The following ADAMTS19 variants were observed in gnomAD, a reference collection of about 807,000 sequenced individuals.
ADAMTS19 encodes A disintegrin and metalloproteinase with thrombospondin motifs 19.
ADAMTS19 carries 93 observed loss-of-function variants against 153.3 expected under a neutral mutation model. That is an observed-to-expected ratio of 0.61 (90% confidence interval 0.51 to 0.72). The LOEUF (loss-of-function observed/expected upper bound fraction) is 0.72. Among genes scored for constraint, ADAMTS19 ranks in the 30% least tolerant of loss-of-function variants. The pLI, the probability that ADAMTS19 is intolerant of heterozygous loss-of-function variation, is 0.00. For synonymous variants in ADAMTS19, 600 were observed against 556.6 expected, an observed-to-expected ratio of 1.08 and a Z score of -1.10; for missense variants, 1,482 against 1,552.1, an observed-to-expected ratio of 0.95 and a Z score of 0.76.
chr5:129,527,134 G>T (rs2126764233), intron 4 of ADAMTS19, among the ~76,000 whole-genome samples: 1 of 151,940 alleles, frequency 6.6e-6, no homozygotes, highest in Non-Finnish European at 1.5e-5. Context: ...TGTTAGGGAT[G>T]CTTATTACCA....
intron 8 of ADAMTS19, among the ~76,000 whole-genome samples, chr5:129,610,741 A>T (rs1205941288): frequency 6.6e-6 from 1 of 152,168 alleles, no homozygotes; most frequent in Non-Finnish European, 1.5e-5. Context: ...ATAGTGCCGC[A>T]ATAAACATAC....
At chr5:129,625,152 A>G (rs1490898507) in intron 10 of ADAMTS19, among the ~76,000 whole-genome samples, 3 of 152,186 alleles carry the variant, frequency 2.0e-5, no homozygotes, top group Non-Finnish European at 4.4e-5. Context: ...CCATGTAGCT[A>G]CAAAGGAAAT....
rs368977962 is a variant in ADAMTS19 at position 129,528,609 on chromosome 5, A to G, written c.1260A>G (p.Ile420Met). Reference sequence around the variant, plus strand: ...AAGAATTTGGCAAAAAGAATGATATACATTTAGAGATGTCAACAAACTGGG... The same window carrying G: ...AAGAATTTGGCAAAAAGAATGATATGCATTTAGAGATGTCAACAAACTGGG... ...QHEEFGKKND[I>M]HLEMSTNWGE... The change falls in exon 6 of 23, where the codon ATA becomes ATG. Residue 420 changes from isoleucine to methionine, a missense_variant. Ile to Met is a conservative substitution (Grantham distance 10, BLOSUM62 1). This residue lies in a region of ADAMTS19 where 866 missense variants were observed against 827.7 expected (regional missense o/e 1.05). Coordinates refer to ENST00000274487, the MANE Select transcript of ADAMTS19 (RefSeq NM_133638.6). 6.2e-6 allele frequency: 10 copies of G among 1,608,406 alleles called. No individual in the cohort carries two copies. The highest frequency in any genetic ancestry group is 2.2e-5 in the East Asian group (1 of 44,512).
chr5:129,493,113 C>T (rs998100269), intron 2 of ADAMTS19, among the ~76,000 whole-genome samples: 1 of 151,902 alleles, frequency 6.6e-6, no homozygotes, highest in African/African-American at 2.4e-5. Context: ...ATTTGTGAAC[C>T]CAGAGTGGTA....
intron 8 of ADAMTS19, among the ~76,000 whole-genome samples, chr5:129,603,356 T>C (rs191136898): frequency 1.3e-5 from 2 of 152,348 alleles, no homozygotes; most frequent in African/African-American, 4.8e-5. Flanking sequence ...CATAATCCTA[T>C]GATACCATTC....
intron 2 of ADAMTS19, among the ~76,000 whole-genome samples, chr5:129,506,007 G>T (rs1489039678): frequency 6.6e-6 from 1 of 152,150 alleles, no homozygotes; most frequent in Non-Finnish European, 1.5e-5. Flanking sequence ...TAAAGCAAAG[G>T]CTGCCTAATT....
intron 3 of ADAMTS19, among the ~76,000 whole-genome samples, chr5:129,518,602 G>A (rs1034877438): frequency 2.0e-5 from 3 of 151,914 alleles, no homozygotes. Flanking sequence ...TTCTCTTGCT[G>A]GTTTTAGGAT....
At chr5:129,597,788 G>C (rs972960298) in intron 8 of ADAMTS19, among the ~76,000 whole-genome samples, 1 of 151,756 alleles carries the variant, frequency 6.6e-6, no homozygotes, top group African/African-American at 2.4e-5. Flanking sequence ...TGTAGTCCCA[G>C]CTACTGGGGA....
Position 129,513,637 on chromosome 5 carries a change from AT to A in ADAMTS19, c.913+4403del, listed in dbSNP as rs200840806. Among the ~76,000 whole-genome samples the A allele has an allele frequency of 7.7e-3, 1,171 of 151,572 alleles. 11 individuals carry two copies. The highest frequency in any genetic ancestry group is 0.025 in the African/African-American group (1,045 of 41,336). On this transcript the variant is annotated intron_variant, in intron 3 of 22. Coordinates refer to ENST00000274487, the MANE Select transcript of ADAMTS19 (RefSeq NM_133638.6). Reference sequence around the variant, plus strand: ...GATAGTATTTGTATCCTCATTTCTTATTTTTTTTAAATTTTTTTGTGGGTAC... The same window carrying A: ...GATAGTATTTGTATCCTCATTTCTTATTTTTTTAAATTTTTTTGTGGGTAC...
chr5:129,541,651 G>A (rs1752658014), intron 6 of ADAMTS19, among the ~76,000 whole-genome samples: 2 of 151,928 alleles, frequency 1.3e-5, no homozygotes, highest in South Asian at 2.1e-4. Context: ...ACGTTACAGA[G>A]GTGATATGTT....
chr5:129,670,242 G>A (rs775635254), intron 16 of ADAMTS19, among the ~76,000 whole-genome samples: 2 of 151,986 alleles, frequency 1.3e-5, no homozygotes, highest in African/African-American at 2.4e-5. Flanking sequence ...CTTTTCTAAT[G>A]TCAATCTCCA....
chr5:129,565,550 C>G (rs1753676639), intron 7 of ADAMTS19, among the ~76,000 whole-genome samples: 1 of 151,990 alleles, frequency 6.6e-6, no homozygotes, highest in African/African-American at 2.4e-5. Flanking sequence ...ATTCTGTGCC[C>G]AAGTTTGTGT....
At chr5:129,569,517 T>C (rs1167084714) in intron 7 of ADAMTS19, among the ~76,000 whole-genome samples, 1 of 152,122 alleles carries the variant, frequency 6.6e-6, no homozygotes, top group Non-Finnish European at 1.5e-5. Context: ...AAAATATGCA[T>C]GCCTTTCAAA....
intron 9 of ADAMTS19, 143 bp from the exon 10 acceptor site, chr5:129,622,055 T>G: frequency 1.3e-6 from 1 of 784,334 alleles, no homozygotes; most frequent in Non-Finnish European, 2.0e-6. Flanking sequence ...TTTTGACATA[T>G]AGAATAATTT....
intron 8 of ADAMTS19, among the ~76,000 whole-genome samples, chr5:129,597,547 G>A (rs2052597): frequency 0.51 from 77,619 of 151,884 alleles, 22,920 homozygotes; most frequent in Non-Finnish European, 0.66. Context: ...TAATACCTTT[G>A]TTATGGGATT....
intron 21 of ADAMTS19, among the ~76,000 whole-genome samples, chr5:129,717,751 G>A (rs1409880593): frequency 6.6e-6 from 1 of 152,102 alleles, no homozygotes; most frequent in Non-Finnish European, 1.5e-5. Flanking sequence ...GCAAATACGT[G>A]TTTATTCTAA....
chr5:129,556,002 T>C (rs1753298263), intron 7 of ADAMTS19, among the ~76,000 whole-genome samples: 1 of 152,210 alleles, frequency 6.6e-6, no homozygotes, highest in Non-Finnish European at 1.5e-5. Flanking sequence ...GCTATGTTAA[T>C]GTTACAGAAT....
intron 2 of ADAMTS19, among the ~76,000 whole-genome samples, chr5:129,502,565 G>T (rs1229422964): frequency 1.3e-5 from 2 of 152,110 alleles, no homozygotes; most frequent in Non-Finnish European, 2.9e-5. Flanking sequence ...GAGCCCTTTG[G>T]CTAGGAAAGA....
At chr5:129,621,634 G>A (rs1751779875) in intron 9 of ADAMTS19, among the ~76,000 whole-genome samples, 1 of 152,114 alleles carries the variant, frequency 6.6e-6, no homozygotes, top group Non-Finnish European at 1.5e-5. Context: ...CCTTCTGTAG[G>A]CCCTAATGAG....
Sources: allele counts gnomAD v4.1 joint callset (sites outside exome capture counted in the v4.1 genomes callset), GRCh38; gene constraint gnomAD v4.1.1; regional missense constraint gnomAD v4.1.1; transcripts MANE v1.5; gene names NCBI Gene and HGNC (gene_info 2026-07-23, HGNC 2026-07-21).